The following KLHL5 variants were observed in gnomAD, a reference collection of about 807,000 sequenced individuals.
KLHL5 encodes kelch like family member 5.
KLHL5 carries 48 observed loss-of-function variants against 77.7 expected under a neutral mutation model. That is an observed-to-expected ratio of 0.62 (90% CI 0.49 to 0.79). The LOEUF (loss-of-function observed/expected upper bound fraction) is 0.79. KLHL5 is among the 30% of genes least tolerant of loss of function. The pLI is 0.00. For missense variants in KLHL5, 723 were observed against 859.7 expected (o/e 0.84, Z 1.99); for synonymous variants, 260 against 297.0 (o/e 0.88, Z 1.28).
upstream of KLHL5, among the ~76,000 whole-genome samples, chr4:39,058,362 G>A (rs1316917905): frequency 1.3e-5 from 2 of 152,132 alleles, no homozygotes; most frequent in Non-Finnish European, 2.9e-5. Flanking sequence ...GCCAGGCAGC[G>A]TGGCTGTAAT....
chr4:39,090,573 C>T (rs986022278), intron 5 of KLHL5, among the ~76,000 whole-genome samples: 39 of 151,372 alleles, frequency 2.6e-4, no homozygotes, highest in Non-Finnish European at 1.0e-4. Flanking sequence ...CTCAGCCTCC[C>T]GAGTAGCTGG....
intron 1 of KLHL5, among the ~76,000 whole-genome samples, chr4:39,066,005 C>T (rs754800501): frequency 2.0e-5 from 3 of 152,162 alleles, no homozygotes; most frequent in Non-Finnish European, 2.9e-5. Context: ...TGTATTCTAA[C>T]AAGGAAAAAT....
chr4:39,098,495 G>T (rs1721265925), intron 6 of KLHL5, among the ~76,000 whole-genome samples: 1 of 151,524 alleles, frequency 6.6e-6, no homozygotes, highest in Non-Finnish European at 1.5e-5. Flanking sequence ...TCAAACTCCT[G>T]ACCTCAAGTG....
chr4:39,106,702 A>C (rs1347206613), intron 7 of KLHL5, among the ~76,000 whole-genome samples: 1 of 152,220 alleles, frequency 6.6e-6, no homozygotes, highest in African/African-American at 2.4e-5. Flanking sequence ...CAATGTATGC[A>C]TCTGGTGCAG....
At chr4:39,117,476 T>TTA (rs1453689450) in intron 10 of KLHL5, among the ~76,000 whole-genome samples, 1 of 152,120 alleles carries the variant, frequency 6.6e-6, no homozygotes, top group Non-Finnish European at 1.5e-5. Context: ...GGAAAAGTAT[T>TTA]TAGAGGATTG....
the KLHL5 span, among the ~76,000 whole-genome samples, chr4:39,140,100 G>A: frequency 2.6e-5 from 4 of 152,108 alleles, no homozygotes; most frequent in Admixed American, 2.0e-4. Flanking sequence ...GGTGGTGCAT[G>A]CCTGTATTCC....
upstream of KLHL5, chr4:39,045,021 C>T (rs1468441708): frequency 2.0e-6 from 2 of 992,930 alleles, no homozygotes; most frequent in Non-Finnish European, 2.4e-6. Flanking sequence ...CCGGCCCCGG[C>T]CCCCGCCTCC....
At chr4:39,097,454 C>T (rs565912686) in intron 6 of KLHL5, among the ~76,000 whole-genome samples, 1 of 152,296 alleles carries the variant, frequency 6.6e-6, no homozygotes, top group East Asian at 1.9e-4. Flanking sequence ...TGGCACACAG[C>T]ACTTAAGCAA....
chr4:39,079,611 T>C (rs753671080), intron 2 of KLHL5, among the ~76,000 whole-genome samples: 47 of 152,204 alleles, frequency 3.1e-4, no homozygotes, highest in Non-Finnish European at 1.5e-4. Context: ...CTTACCACCC[T>C]TTCCCCATTT....
In KLHL5 at chr4:39,115,370, T is replaced by G. The variant is rs754001829; in HGVS notation, c.2073+40T>G. 2.3e-5 allele frequency: 37 copies of G among 1,610,778 alleles called. No individual in the cohort carries two copies. In the South Asian group the frequency reaches 4.1e-4, roughly 18 times the overall value. On this transcript the variant is annotated intron_variant, in intron 10 of 10. Coordinates refer to ENST00000504108, the MANE Select transcript of KLHL5 (RefSeq NM_015990.5). ...TTTCATTATTACACTGACTCTCTTT[T>G]TATTAAAACAATTCTTATGGTAAAA...
At chr4:39,126,894 A>C, downstream of KLHL5, 2 of 376,122 alleles carry the variant, frequency 5.3e-6, no homozygotes, top group Non-Finnish European at 1.0e-5. Flanking sequence ...TCCGGAATGA[A>C]TGTGTGTCAG....
chr4:39,102,216 G>A (rs534748580), intron 6 of KLHL5, among the ~76,000 whole-genome samples: 9 of 151,554 alleles, frequency 5.9e-5, no homozygotes, highest in South Asian at 4.2e-4. Context: ...AGGCTAGCGC[G>A]GCTTACATGA....
At chr4:39,093,160 A>T (rs1484461840) in intron 5 of KLHL5, 2 of 455,230 alleles carry the variant, frequency 4.4e-6, no homozygotes, top group African/African-American at 4.0e-5. Context: ...ATGGTGGAAT[A>T]TTACTCAACA....
chr4:39,074,668 G>C (rs1055032720), intron 1 of KLHL5, among the ~76,000 whole-genome samples: 52 of 152,230 alleles, frequency 3.4e-4, no homozygotes, highest in Non-Finnish European at 2.2e-4. Context: ...CTCTTGGCAA[G>C]GCACTTAATC....
Position 39,076,106 on chromosome 4 carries a change from T to C in KLHL5, c.525T>C (p.Asp175=), listed in dbSNP as rs2109351130. ...ENYLRHKQLC[D]VILVAGDRRI... ...ATTTGAGACATAAACAGTTGTGTGA[T>C]GTAATTTTAGTCGCTGGTGATCGCA... Residue 175 remains aspartate, a synonymous_variant, in exon 2 of 11, where the codon GAT becomes GAC. Coordinates refer to ENST00000504108, the MANE Select transcript of KLHL5 (RefSeq NM_015990.5). 6.2e-7 allele frequency: 1 copy of C among 1,606,990 alleles called. No homozygotes were observed. The highest frequency in any genetic ancestry group is 2.2e-5 in the East Asian group (1 of 44,746).
downstream of KLHL5, among the ~76,000 whole-genome samples, chr4:39,126,533 CT>C (rs1274231935): frequency 3.3e-5 from 5 of 152,160 alleles, no homozygotes; most frequent in African/African-American, 1.2e-4. Flanking sequence ...TCATTTCCCC[CT>C]AGTCCTGGGT....
intron 1 of KLHL5, among the ~76,000 whole-genome samples, chr4:39,053,712 A>G (rs1716817561): frequency 6.6e-6 from 1 of 152,246 alleles, no homozygotes; most frequent in Non-Finnish European, 1.5e-5. Flanking sequence ...CGATTTTGTT[A>G]TATCATAGTA....
At chr4:39,078,122 C>T (rs1485603396) in intron 2 of KLHL5, among the ~76,000 whole-genome samples, 1 of 152,092 alleles carries the variant, frequency 6.6e-6, no homozygotes, top group African/African-American at 2.4e-5. Flanking sequence ...GGCGCGATGG[C>T]TCACACCTGT....
intron 5 of KLHL5, among the ~76,000 whole-genome samples, chr4:39,089,239 T>C (rs2109421573): frequency 6.6e-6 from 1 of 152,216 alleles, no homozygotes; most frequent in South Asian, 2.1e-4. Flanking sequence ...CATGACTGAA[T>C]GGTGAAGGTA....
Sources: allele counts gnomAD v4.1 joint callset (sites outside exome capture counted in the v4.1 genomes callset), GRCh38; gene constraint gnomAD v4.1.1; transcripts MANE v1.5; gene names NCBI Gene and HGNC (gene_info 2026-07-23, HGNC 2026-07-21).